ACAP3: variants seen among roughly 807,000 people sequenced by gnomAD.
ACAP3 encodes the protein ArfGAP with coiled-coil, ankyrin repeat and PH domains 3.
ACAP3 carries 56 observed loss-of-function variants against 104.1 expected under a neutral mutation model. The observed-to-expected ratio is 0.54, with a 90% CI of 0.43 to 0.67. The LOEUF (loss-of-function observed/expected upper bound fraction) is 0.67, where lower values mean the gene tolerates loss of function less well. Among genes scored for constraint, ACAP3 ranks in the 30% least tolerant of loss-of-function variants. The pLI is 0.00. For missense variants in ACAP3, 1,208 were observed against 1,174.9 expected, an observed-to-expected ratio of 1.03 and a Z score of -0.41; for synonymous variants, 628 against 496.2, an observed-to-expected ratio of 1.27 and a Z score of -3.53.
chr1:1,307,817 G>T lies in ACAP3; in HGVS notation c.-2C>A. On this transcript the variant is annotated 5_prime_UTR_variant, in exon 1 of 24. Transcript: ENST00000354700. Reference sequence around the variant, plus strand: ...GCACTCCTCGAACTCCACGGTCATGGCTGCGGCGGCCGCGGCGCTCACTGG... The same window carrying T: ...GCACTCCTCGAACTCCACGGTCATGTCTGCGGCGGCCGCGGCGCTCACTGG... 1.9e-6 allele frequency: 2 copies of T among 1,060,442 alleles called. No individual in the cohort carries two copies. Among genetic ancestry groups the T allele is most frequent in the Non-Finnish European group, 2.3e-6 (2 of 879,184 alleles). 65.7% of individuals were successfully genotyped at this position (1,060,442 alleles called of 1,614,324 possible). A position where few individuals can be genotyped will look rare whatever the true frequency, so the allele number is the denominator to read the frequency against.
At chr1:1,302,801 C>CT (rs1233212778) in intron 4 of ACAP3, 121 bp downstream of exon 4, 4 of 315,620 alleles carry the variant, frequency 1.3e-5, no homozygotes, top group Admixed American at 8.9e-5. Flanking sequence ...GGATTCCCCC[C>CT]CCCCCCGACT....
rs746116863 is a variant in ACAP3, at chr1:1,303,069, G to A, written c.225+93C>T. 14 of 1,551,394 alleles carry A rather than the reference G, an allele frequency of 9.0e-6. No homozygotes were observed. The highest frequency in any genetic ancestry group is 4.7e-5 in the South Asian group (4 of 84,290). On this transcript the variant is annotated intron_variant, in intron 3 of 23. Transcript: ENST00000354700. The surrounding 1 kb of genome is among the most constrained non-coding windows in gnomAD (Gnocchi z 4.0). ...TGAGCCCCTGGGCGGTGCAGACACC[G>A]GCCTGCTTCTGGCCTGGACGCCCTC...
Position 1,300,503 on chromosome 1 carries a change from G to A in ACAP3, c.522+6C>T, listed in dbSNP as rs1641397521. The A allele has an allele frequency of 6.2e-7, 1 of 1,605,266 alleles. No individual in the cohort carries two copies. The highest frequency in any genetic ancestry group is 8.5e-7 in the Non-Finnish European group (1 of 1,176,834). On this transcript the variant is annotated splice_donor_region_variant and intron_variant, in intron 6 of 23. Coordinates refer to ENST00000354700, the MANE Select transcript of ACAP3 (RefSeq NM_030649.3). ...CCCCGCCCCCCAGCCCATTTCTGGG[G>A]CTGACCTGGAGCACATAGTCCAGTG... is the stretch of plus-strand genomic sequence containing the variant.
At chr1:1,307,522 G>C in intron 1 of ACAP3, 1 of 1,151,664 alleles carries the variant, frequency 8.7e-7, no homozygotes, top group South Asian at 1.4e-5. Context: ...GGACGGTCCC[G>C]AGGTGCCCAC....
chr1:1,302,890 C>T (rs557062020), intron 4 of ACAP3, 32 bp downstream of exon 4: 2 of 1,606,244 alleles, frequency 1.2e-6, no homozygotes, highest in Non-Finnish European at 1.7e-6. Flanking sequence ...AGGCCAGGCA[C>T]AGCCCACAGG....
intron 21 of ACAP3, 68 bp from the exon 22 acceptor site, chr1:1,294,267 C>A: frequency 2.0e-6 from 3 of 1,521,706 alleles, no homozygotes; most frequent in African/African-American, 1.4e-5. Context: ...GCACCCTGAC[C>A]CCGGCCTTGG....
At chr1:1,301,216 G>T (rs1570653387) in intron 5 of ACAP3, among the ~76,000 whole-genome samples, 1 of 150,426 alleles carries the variant, frequency 6.6e-6, no homozygotes, top group African/African-American at 2.5e-5. Flanking sequence ...GGCTACAGGT[G>T]CGTGCCACCA....
intron 12 of ACAP3, 98 bp from the exon 13 acceptor site, chr1:1,298,211 G>GAGCCCCA: frequency 6.4e-7 from 1 of 1,567,604 alleles, no homozygotes. Flanking sequence ...CCGACTGCCT[G>GAGCCCCA]AGCCCCAAGC....
chr1:1,300,649 C>T lies in ACAP3; in HGVS notation c.382G>A (p.Val128Met), dbSNP rs926088546. 3.7e-6 allele frequency: 6 copies of T among 1,609,632 alleles called. No individual in the cohort carries two copies. Among genetic ancestry groups the T allele is most frequent in the Admixed American group, 1.7e-5 (1 of 59,086 alleles). Reference sequence around the variant, plus strand: ...AGGGACAGCTCCAGGTCCTCCCGCACCTTGTCAAACTGCTTCTTTGTCTCC... The same window carrying T: ...AGGGACAGCTCCAGGTCCTCCCGCATCTTGTCAAACTGCTTCTTTGTCTCC... ...FKETKKQFDK[V>M]REDLELSLVR... Residue 128 changes from valine (V) to methionine (M), a missense_variant, in exon 6 of 24, where the codon GTG (valine) becomes ATG (methionine). Val to Met is a conservative substitution (Grantham distance 21). Coordinates refer to ENST00000354700, the MANE Select transcript of ACAP3 (RefSeq NM_030649.3).
At position 1,293,808 on chromosome 1, in the gene ACAP3, C is replaced by A; in HGVS notation, c.2360+15G>T. ...TGGAGGCCCCGCCCAGCCCCGAGGG[C>A]CCGGCCGCGCTCACAGTGTCACGAT... On this transcript the variant is annotated intron_variant, in intron 23 of 23. Coordinates refer to ENST00000354700, the MANE Select transcript of ACAP3 (RefSeq NM_030649.3). The A allele has an allele frequency of 8.9e-7, 1 of 1,125,162 alleles. No homozygotes were observed. The highest frequency in any genetic ancestry group is 1.1e-6 in the Non-Finnish European group (1 of 892,548). The allele number at this position is 1,125,162 out of a possible 1,614,324, so 69.7% of individuals were successfully genotyped here. A position where few individuals can be genotyped will look rare whatever the true frequency, so the allele number is the denominator to read the frequency against.
At position 1,293,863 on chromosome 1, in the gene ACAP3, C is replaced by T; in HGVS notation, c.2320G>A (p.Ala774Thr). The T allele has an allele frequency of 6.4e-7, 1 of 1,565,000 alleles. No homozygotes were observed. Among genetic ancestry groups the T allele is most frequent in the Non-Finnish European group, 8.6e-7 (1 of 1,160,618 alleles). The change falls in exon 23 of 24, where the codon GCC becomes ACC. Residue 774 changes from alanine to threonine, a missense_variant. Transcript: ENST00000354700. ...ALDQEQRDPL[A>T]IAVQAANADI... ...GCGTTGGCCGCCTGCACTGCGATGG[C>T]CAACGGGTCCCGCTGCTCTTGGTCC...
In ACAP3 at chr1:1,296,296, A is replaced by G. The variant is rs1288684144; in HGVS notation, c.1338-16T>C. On this transcript the variant is annotated splice_polypyrimidine_tract_variant and intron_variant, in intron 15 of 23. Coordinates refer to ENST00000354700, the MANE Select transcript of ACAP3 (RefSeq NM_030649.3). ...ACCCAGGCTCCTGGAGAGCAGAGGT[A>G]GGGATGAGTCTGGGGGAGGCAAGGC... 6.4e-7 allele frequency: 1 copy of G among 1,553,622 alleles called. No individual in the cohort carries two copies. The highest frequency in any genetic ancestry group is 8.7e-7 in the Non-Finnish European group (1 of 1,148,844).
In ACAP3 at chr1:1,299,953, C is replaced by G; in HGVS notation, c.663+20G>C. ...AGGTCACGGAGGCCTGGCCCAGCCC[C>G]ACCCCTCCCAAAGGCTCACCTCGGC... On this transcript the variant is annotated intron_variant, in intron 8 of 23. Transcript: ENST00000354700. 2 of 1,603,624 alleles carry G rather than the reference C, an allele frequency of 1.2e-6. No homozygotes were observed. The highest frequency in any genetic ancestry group is 2.7e-5 in the African/African-American group (2 of 74,932).
At position 1,300,141 on chromosome 1, in the gene ACAP3, A is replaced by G. The variant is rs771118187; in HGVS notation, c.567+17T>C. ...CAACATGCAGCCTGTGCTCAGGGGC[A>G]GCCCCCACGCACTCACAGAGTCCAG... On this transcript the variant is annotated intron_variant, in intron 7 of 23. Coordinates refer to ENST00000354700, the MANE Select transcript of ACAP3 (RefSeq NM_030649.3). 1 of 1,609,888 alleles carries G rather than the reference A, an allele frequency of 6.2e-7. No homozygotes were observed. Among genetic ancestry groups the G allele is most frequent in the South Asian group, 1.1e-5 (1 of 90,828 alleles).
chr1:1,299,706 G>A (rs1387260882), intron 9 of ACAP3, 125 bp downstream of exon 9: 4 of 1,143,248 alleles, frequency 3.5e-6, no homozygotes, highest in Middle Eastern at 2.8e-4. Flanking sequence ...CCCTAGAGAG[G>A]GTGTGGGCAG....
intron 1 of ACAP3, among the ~76,000 whole-genome samples, chr1:1,306,234 G>A (rs1641687790): frequency 1.3e-5 from 2 of 152,172 alleles, no homozygotes; most frequent in Non-Finnish European, 2.9e-5. Flanking sequence ...CAGAGAGAAG[G>A]CCCAGAGGTG....
chr1:1,293,730 G>A (rs1384372822), intron 23 of ACAP3, 22 bp from the exon 24 acceptor site: 8 of 664,316 alleles, frequency 1.2e-5, no homozygotes, highest in Admixed American at 2.1e-4. Flanking sequence ...CACAGCGTGA[G>A]ACGCCCCTGC....
At chr1:1,307,209 G>C in intron 1 of ACAP3, 1 of 1,287,054 alleles carries the variant, frequency 7.8e-7, no homozygotes, top group Middle Eastern at 2.1e-4. Flanking sequence ...ACGAATGATG[G>C]AAAACATGCA....
chr1:1,303,540 G>A lies in ACAP3; in HGVS notation c.106-259C>T, dbSNP rs1641544083. ...CCAGGCAGGGGACCCAGGGCCAGCA[G>A]GACCAGCAGAACCAGCCCATGTGGG... On this transcript the variant is annotated intron_variant, in intron 2 of 23. Transcript: ENST00000354700. The surrounding 1 kb of genome is among the most constrained non-coding windows in gnomAD (Gnocchi z 4.0). 1 of 578,558 alleles carries A rather than the reference G, an allele frequency of 1.7e-6. No individual in the cohort carries two copies. Among genetic ancestry groups the A allele is most frequent in the Non-Finnish European group, 3.0e-6 (1 of 327,904 alleles). The allele number at this position is 578,558 out of a possible 1,614,324, so 35.8% of individuals were successfully genotyped here.
Sources: allele counts gnomAD v4.1 joint callset (sites outside exome capture counted in the v4.1 genomes callset), GRCh38; gene constraint gnomAD v4.1.1; non-coding constraint Gnocchi (gnomAD v3.1); transcripts MANE v1.5; gene names NCBI Gene and HGNC (gene_info 2026-07-23, HGNC 2026-07-21).